The following GRID2 variants were observed in gnomAD, a reference collection of about 807,000 sequenced individuals.
The protein encoded by GRID2 is glutamate receptor ionotropic, delta-2.
Under a neutral mutation model 114.8 loss-of-function variants are expected in GRID2, and 33 were observed. The ratio of observed to expected loss-of-function variants is 0.29; its 90% CI spans 0.22 to 0.38. GRID2 has a LOEUF of 0.38. Among genes scored for constraint, GRID2 ranks in the 10% least tolerant of loss-of-function variants. The probability of loss-of-function intolerance (pLI) is 1.00; values close to 1 mark genes in which losing one functional copy is unlikely to be tolerated. For synonymous variants in GRID2, 505 were observed against 449.9 expected (o/e 1.12, Z -1.55); for missense variants, 1,184 against 1,257.7 (o/e 0.94, Z 0.89).
intron 4 of GRID2, among the ~76,000 whole-genome samples, chr4:93,172,262 G>A (rs77856041): frequency 5.5e-4 from 83 of 152,242 alleles, no homozygotes; most frequent in Non-Finnish European, 9.7e-4. Context: ...GGCTGAAGCT[G>A]TCAGGTTGGG....
chr4:93,304,783 G>A (rs1302237256), intron 8 of GRID2, among the ~76,000 whole-genome samples: 3 of 152,034 alleles, frequency 2.0e-5, no homozygotes, highest in Non-Finnish European at 4.4e-5. Context: ...TAGAAGGAGT[G>A]CAACAAATAA....
At chr4:92,627,509 G>A (rs905487336) in intron 2 of GRID2, among the ~76,000 whole-genome samples, 2 of 152,066 alleles carry the variant, frequency 1.3e-5, no homozygotes, top group Non-Finnish European at 2.9e-5. Flanking sequence ...TTAGCTGAGT[G>A]TACATTCTCT....
At chr4:92,653,019 T>C (rs1428294409) in intron 2 of GRID2, among the ~76,000 whole-genome samples, 1 of 126,872 alleles carries the variant, frequency 7.9e-6, no homozygotes, top group Non-Finnish European at 1.7e-5. Flanking sequence ...TATATATACT[T>C]TTTTTTTTCT....
At chr4:92,485,786 T>A (rs952020186) in intron 1 of GRID2, among the ~76,000 whole-genome samples, 1 of 152,126 alleles carries the variant, frequency 6.6e-6, no homozygotes. Context: ...ACTTTGCATA[T>A]GTCAGTGTAT....
At chr4:92,776,328 G>A (rs187329740) in intron 2 of GRID2, among the ~76,000 whole-genome samples, 32 of 152,210 alleles carry the variant, frequency 2.1e-4, no homozygotes, top group Admixed American at 7.2e-4. Flanking sequence ...ATAGTATATA[G>A]TGAGTCGTAT....
intron 1 of GRID2, among the ~76,000 whole-genome samples, chr4:92,482,922 TC>T (rs1722686871): frequency 6.6e-6 from 1 of 152,214 alleles, no homozygotes; most frequent in Non-Finnish European, 1.5e-5. Context: ...AATAGCAACA[TC>T]TGTGAACTAT....
intron 14 of GRID2, among the ~76,000 whole-genome samples, chr4:93,696,282 C>G (rs200367377): frequency 3.5e-5 from 4 of 114,606 alleles, no homozygotes; most frequent in African/African-American, 1.0e-4. Flanking sequence ...CTCAAACTGT[C>G]TGCTTCCACA....
intron 2 of GRID2, among the ~76,000 whole-genome samples, chr4:92,860,065 T>C (rs1744428566): frequency 6.6e-6 from 1 of 152,144 alleles, no homozygotes; most frequent in Non-Finnish European, 1.5e-5. Context: ...CAAATATCAT[T>C]TTATGCAATA....
At chr4:92,397,342 A>ATGTGTG (rs58085283) in intron 1 of GRID2, among the ~76,000 whole-genome samples, 2,156 of 142,726 alleles carry the variant, frequency 0.015, 52 homozygotes, top group African/African-American at 0.053. Flanking sequence ...GTGTGTTTGT[A>ATGTGTG]TGTGTGTGTG....
At chr4:92,567,331 A>C (rs558971343) in intron 1 of GRID2, among the ~76,000 whole-genome samples, 25 of 152,152 alleles carry the variant, frequency 1.6e-4, no homozygotes, top group African/African-American at 5.5e-4. Context: ...AAATGATTTA[A>C]CTACACAGTG....
chr4:93,370,656 G>A (rs1214089138), intron 8 of GRID2, among the ~76,000 whole-genome samples: 1 of 151,752 alleles, frequency 6.6e-6, no homozygotes, highest in Non-Finnish European at 1.5e-5. Flanking sequence ...TTTTTGCACA[G>A]CTATTAAAAC....
chr4:92,602,606 T>A (rs1018347635), intron 2 of GRID2, among the ~76,000 whole-genome samples: 2 of 152,080 alleles, frequency 1.3e-5, no homozygotes, highest in African/African-American at 4.8e-5. Context: ...CATACTGGAT[T>A]GGCAAAACCT....
intron 2 of GRID2, among the ~76,000 whole-genome samples, chr4:92,949,616 A>G (rs1350984824): frequency 6.6e-6 from 1 of 151,432 alleles, no homozygotes; most frequent in Non-Finnish European, 1.5e-5. Flanking sequence ...GCAATGATCT[A>G]GTATGAAAGT....
At chr4:93,741,924 C>A (rs865912225) in intron 14 of GRID2, among the ~76,000 whole-genome samples, 1,533 of 105,544 alleles carry the variant, frequency 0.015, no homozygotes, top group Admixed American at 0.015. Context: ...GACTCTGTCT[C>A]AAAAAAAAAA....
At chr4:93,800,736 T>C (rs764876421) in intron 1 of GRID2, among the ~76,000 whole-genome samples, 4 of 152,206 alleles carry the variant, frequency 2.6e-5, no homozygotes, top group Non-Finnish European at 4.4e-5. Context: ...TTTATAATTA[T>C]TCCCAGTTTG....
At chr4:93,729,346 C>G (rs905250257) in intron 14 of GRID2, among the ~76,000 whole-genome samples, 2 of 152,106 alleles carry the variant, frequency 1.3e-5, no homozygotes, top group African/African-American at 4.8e-5. Context: ...ACTGAAAAAC[C>G]TCTAAATTCA....
At chr4:92,326,218 G>C (rs1726590355) in intron 1 of GRID2, among the ~76,000 whole-genome samples, 1 of 151,820 alleles carries the variant, frequency 6.6e-6, no homozygotes, top group African/African-American at 2.4e-5. Flanking sequence ...ATTTATAACT[G>C]ATTAAAGGTC....
chr4:92,758,484 C>T (rs1737836586), intron 2 of GRID2, among the ~76,000 whole-genome samples: 1 of 151,940 alleles, frequency 6.6e-6, no homozygotes, highest in Admixed American at 6.6e-5. Context: ...ACTTTTGAGT[C>T]AAATAGGCCT....
chr4:93,402,275 A>C (rs1173420603), intron 9 of GRID2, among the ~76,000 whole-genome samples: 1 of 152,174 alleles, frequency 6.6e-6, no homozygotes, highest in African/African-American at 2.4e-5. Context: ...TGCTTAATTG[A>C]TCTTTGAATT....
Sources: allele counts gnomAD v4.1 joint callset (sites outside exome capture counted in the v4.1 genomes callset), GRCh38; gene constraint gnomAD v4.1.1; transcripts MANE v1.5; gene names NCBI Gene and HGNC (gene_info 2026-07-23, HGNC 2026-07-21).